GPM6A: variants seen among roughly 807,000 people sequenced by gnomAD.
The protein encoded by GPM6A is glycoprotein M6A.
GPM6A carries 7 observed loss-of-function variants against 32.1 expected under a neutral mutation model. The observed-to-expected ratio is 0.22, with a 90% confidence interval of 0.12 to 0.41. The LOEUF is 0.41. Ranked by LOEUF, GPM6A falls within the 10% of genes least tolerant of loss-of-function variation. GPM6A has a pLI of 1.00. For missense variants in GPM6A, 235 were observed against 347.2 expected (o/e 0.68, Z 2.57); for synonymous variants, 130 against 123.4 (o/e 1.05, Z -0.35).
chr4:175,805,653 C>T (rs1369823079), intron 1 of GPM6A, among the ~76,000 whole-genome samples: 1 of 152,178 alleles, frequency 6.6e-6, no homozygotes, highest in Non-Finnish European at 1.5e-5. Flanking sequence ...AAGTGTCTTT[C>T]TTTCTTTGGG....
At chr4:175,970,981 C>T (rs535996214) in intron 1 of GPM6A, 10 of 441,444 alleles carry the variant, frequency 2.3e-5, no homozygotes, top group African/African-American at 8.2e-5. Flanking sequence ...CAGCGCAGAG[C>T]GCTCCTGGGG....
chr4:175,972,544 AATAAG>A (rs1399759252), intron 1 of GPM6A, among the ~76,000 whole-genome samples: 2 of 152,232 alleles, frequency 1.3e-5, no homozygotes, highest in Non-Finnish European at 2.9e-5. Flanking sequence ...CACACTATAA[AATAAG>A]ATGTTTAAGA....
intron 6 of GPM6A, among the ~76,000 whole-genome samples, chr4:175,638,407 A>G (rs1740939684): frequency 6.6e-6 from 1 of 152,034 alleles, no homozygotes; most frequent in Non-Finnish European, 1.5e-5. Context: ...GACAGAGAAA[A>G]TAACCCCCAA....
intron 1 of GPM6A, among the ~76,000 whole-genome samples, chr4:175,901,186 T>A (rs952605320): frequency 6.6e-6 from 1 of 151,816 alleles, no homozygotes; most frequent in Admixed American, 6.6e-5. Flanking sequence ...GGTTAACAGG[T>A]ACAAAAAAAA....
intron 3 of GPM6A, among the ~76,000 whole-genome samples, chr4:175,664,550 A>G (rs1329207105): frequency 2.0e-5 from 3 of 152,214 alleles, no homozygotes; most frequent in Non-Finnish European, 2.9e-5. Context: ...TTTCTTCTTT[A>G]TTATCTTGCA....
chr4:175,834,016 T>C (rs186249828), intron 1 of GPM6A, among the ~76,000 whole-genome samples: 11 of 152,152 alleles, frequency 7.2e-5, no homozygotes, highest in Admixed American at 2.0e-4. Context: ...TTGGTCCTAT[T>C]AGGTTTTGTG....
chr4:175,762,644 A>T (rs1168263723), intron 1 of GPM6A, among the ~76,000 whole-genome samples: 1 of 152,028 alleles, frequency 6.6e-6, no homozygotes, highest in African/African-American at 2.4e-5. Context: ...GCATTCGATT[A>T]AAAAAAATTA....
chr4:175,964,876 A>G (rs1245736613), intron 1 of GPM6A, among the ~76,000 whole-genome samples: 1 of 152,216 alleles, frequency 6.6e-6, no homozygotes, highest in East Asian at 1.9e-4. Context: ...TCTCAAGAAA[A>G]CAAAACAATC....
chr4:175,672,207 GT>G (rs2110980182), intron 3 of GPM6A, among the ~76,000 whole-genome samples: 1 of 152,270 alleles, frequency 6.6e-6, no homozygotes, highest in Admixed American at 6.5e-5. Context: ...CTGGCAGAAG[GT>G]TATTACCTTA....
chr4:175,999,254 A>C (rs1265331962), intron 1 of GPM6A, among the ~76,000 whole-genome samples: 1 of 152,206 alleles, frequency 6.6e-6, no homozygotes, highest in Non-Finnish European at 1.5e-5. Flanking sequence ...AATATTCCTG[A>C]CCTATCTTTC....
At chr4:175,681,751 C>G (rs1001020915) in intron 2 of GPM6A, among the ~76,000 whole-genome samples, 4 of 152,148 alleles carry the variant, frequency 2.6e-5, no homozygotes, top group Non-Finnish European at 4.4e-5. Flanking sequence ...AGAAACCAAG[C>G]AGATGCCAGC....
chr4:175,891,304 G>T (rs929062288), intron 1 of GPM6A, among the ~76,000 whole-genome samples: 4 of 152,150 alleles, frequency 2.6e-5, no homozygotes, highest in Non-Finnish European at 5.9e-5. Flanking sequence ...TAATAGGAGT[G>T]ATTGTTGCTT....
chr4:175,667,466 C>T (rs1377568909), intron 3 of GPM6A, among the ~76,000 whole-genome samples: 1 of 151,926 alleles, frequency 6.6e-6, no homozygotes, highest in Non-Finnish European at 1.5e-5. Context: ...TAAGGAGGGA[C>T]AATTAAATGT....
At chr4:175,883,192 A>G (rs1210769158) in intron 1 of GPM6A, among the ~76,000 whole-genome samples, 2 of 152,034 alleles carry the variant, frequency 1.3e-5, no homozygotes, top group Non-Finnish European at 2.9e-5. Context: ...AATTAACCCA[A>G]TTTGCTTTGT....
intron 1 of GPM6A, among the ~76,000 whole-genome samples, chr4:175,721,040 TTA>T (rs1553981496): frequency 8.9e-5 from 4 of 44,702 alleles, no homozygotes; most frequent in African/African-American, 1.7e-4. Flanking sequence ...TACATATATA[TTA>T]TATATATATA....
chr4:175,806,300 A>G (rs553902780), intron 1 of GPM6A, among the ~76,000 whole-genome samples: 2 of 152,246 alleles, frequency 1.3e-5, no homozygotes, highest in Non-Finnish European at 2.9e-5. Flanking sequence ...CTCCAAGGAC[A>G]CTATCAATAT....
intron 1 of GPM6A, among the ~76,000 whole-genome samples, chr4:175,727,016 T>A (rs1295566330): frequency 1.3e-5 from 2 of 151,904 alleles, no homozygotes; most frequent in African/African-American, 4.8e-5. Flanking sequence ...TAAATAAAAC[T>A]TAAAATTTTC....
intron 3 of GPM6A, among the ~76,000 whole-genome samples, chr4:175,667,948 T>A (rs994741627): frequency 7.9e-5 from 12 of 152,178 alleles, no homozygotes; most frequent in African/African-American, 2.9e-4. Context: ...CAGTCACAAC[T>A]TATGGTGATC....
At chr4:175,898,876 T>A (rs1737871339) in intron 1 of GPM6A, among the ~76,000 whole-genome samples, 1 of 152,200 alleles carries the variant, frequency 6.6e-6, no homozygotes, top group Non-Finnish European at 1.5e-5. Flanking sequence ...TCACAAGGAT[T>A]CGATTACTCA....
Sources: gnomAD v4.1 joint callset for allele counts (sites outside exome capture counted in the v4.1 genomes callset) on GRCh38, gnomAD v4.1.1 for gene constraint, MANE v1.5 for transcripts, NCBI Gene and HGNC (gene_info 2026-07-23, HGNC 2026-07-21) for gene names.